Variants in SP110 observed in about 807,000 individuals in gnomAD.
SP110 encodes interferon-induced protein 41, 30kD.
In SP110, 62 loss-of-function variants were observed where a neutral mutation model predicts 92.7. The observed-to-expected ratio is 0.67, with a 90% CI of 0.55 to 0.83. The LOEUF is 0.83. Ranked by LOEUF, SP110 falls within the 40% of genes least tolerant of loss-of-function variation. SP110 has a pLI of 0.00. For missense variants in SP110, 793 were observed against 863.9 expected, an observed-to-expected ratio of 0.92 and a Z score of 1.03; for synonymous variants, 273 against 305.3, an observed-to-expected ratio of 0.89 and a Z score of 1.10.
In SP110 at chr2:230,202,640, G is replaced by A. The variant is rs367883428; in HGVS notation, c.987C>T (p.Ser329=). 1 of 1,613,778 alleles carries A rather than the reference G, an allele frequency of 6.2e-7. No homozygotes were observed. The highest frequency in any genetic ancestry group is 1.3e-5 in the African/African-American group (1 of 74,920). Residue 329 remains serine, a synonymous_variant, in exon 9 of 19, where the codon TCC becomes TCT. Coordinates refer to ENST00000258381, the MANE Select transcript of SP110 (RefSeq NM_080424.4). ...CCTTTTGGGCCCTTGTCTCTACCGT[G>A]GAGTTACAAGTTGAGTCATCTTTCT... ...PQKKDDSTCN[S]TVETRAQKAR...
At position 230,214,949 on chromosome 2, in the gene SP110, C is replaced by T; in HGVS notation, c.316+1G>A. On this transcript the variant is annotated splice_donor_variant, in intron 3 of 18. Coordinates refer to ENST00000258381, the MANE Select transcript of SP110 (RefSeq NM_080424.4). LOFTEE classifies it high-confidence loss of function. ...AAAAAGCACTTGAGAAATCTCATTA[C>T]CACGTTTGAAGCTTCTGTAAATCGT... 6.2e-7 allele frequency: 1 copy of T among 1,613,526 alleles called. No homozygotes were observed. Among genetic ancestry groups the T allele is most frequent in the Non-Finnish European group, 8.5e-7 (1 of 1,179,468 alleles).
chr2:230,187,372 T>C (rs1279886521), intron 10 of SP110, among the ~76,000 whole-genome samples: 1 of 152,234 alleles, frequency 6.6e-6, no homozygotes, highest in East Asian at 1.9e-4. Context: ...TTTGAGTTTC[T>C]TGTAGACGCT....
At chr2:230,222,711 G>A (rs1158830988), upstream of SP110, among the ~76,000 whole-genome samples, 1 of 149,736 alleles carries the variant, frequency 6.7e-6, no homozygotes, top group East Asian at 1.9e-4. Context: ...AAAAAAAAAA[G>A]ATACAGACCA....
At chr2:230,220,584 A>G (rs927695230), upstream of SP110, among the ~76,000 whole-genome samples, 2 of 152,210 alleles carry the variant, frequency 1.3e-5, no homozygotes, top group African/African-American at 4.8e-5. Context: ...GGGAGCCAGG[A>G]GTCTGAGGCA....
intron 10 of SP110, among the ~76,000 whole-genome samples, chr2:230,187,597 T>C (rs1342912378): frequency 6.6e-6 from 1 of 152,164 alleles, no homozygotes; most frequent in African/African-American, 2.4e-5. Flanking sequence ...TTTTCCTAGG[T>C]TTTCTTATAG....
intron 10 of SP110, 24 bp from the exon 11 acceptor site, chr2:230,186,167 A>G: frequency 6.2e-7 from 1 of 1,613,180 alleles, no homozygotes; most frequent in Non-Finnish European, 8.5e-7. Flanking sequence ...ACTTGTGAAT[A>G]GTTTAGTGAG....
Position 230,168,964 on chromosome 2 carries a change from A to G in SP110, c.*160T>C. On this transcript the variant is annotated 3_prime_UTR_variant, in exon 19 of 19. Coordinates refer to ENST00000258381, the MANE Select transcript of SP110 (RefSeq NM_080424.4). ...ATATAGACTTTTAAAGGTAAAAAGA[A>G]AGAATAAAGATGGAGGGTGTGATAA... is the stretch of plus-strand genomic sequence containing the variant. The G allele has an allele frequency of 1.5e-6, 1 of 672,802 alleles. No homozygotes were observed. Among genetic ancestry groups the G allele is most frequent in the Non-Finnish European group, 2.7e-6 (1 of 373,028 alleles). The allele number at this position is 672,802 out of a possible 1,614,324, so 41.7% of individuals were successfully genotyped here.
chr2:230,194,946 C>A (rs1390618315), intron 10 of SP110, among the ~76,000 whole-genome samples: 1 of 152,124 alleles, frequency 6.6e-6, no homozygotes, highest in African/African-American at 2.4e-5. Flanking sequence ...GCTGGCTGTG[C>A]TCCAGGCACA....
chr2:230,186,221 T>G lies in SP110; in HGVS notation c.1130-78A>C, dbSNP rs1010021875. On this transcript the variant is annotated intron_variant, in intron 10 of 18. Transcript: ENST00000258381. ...AGCCCCTACCCTTTCAGGAGTTATC[T>G]TGCCATTTCTCTATAATTCTCTCTT... The G allele has an allele frequency of 3.1e-5, 43 of 1,368,506 alleles. No individual in the cohort carries two copies. In the African/African-American group the frequency reaches 5.3e-4, roughly 17 times the overall value. 84.8% of individuals were successfully genotyped at this position (1,368,506 alleles called of 1,614,324 possible).
intron 7 of SP110, among the ~76,000 whole-genome samples, chr2:230,209,430 TTGA>T (rs1291459664): frequency 1.3e-5 from 2 of 152,050 alleles, no homozygotes; most frequent in Non-Finnish European, 2.9e-5. Flanking sequence ...TTGGATGATA[TTGA>T]TGATGAGTGA....
rs1011767398 is a variant in SP110, at chr2:230,170,758, G to A, written c.1891C>T (p.Arg631Ter). 8 of 1,613,822 alleles carry A rather than the reference G, an allele frequency of 5.0e-6. No individual in the cohort carries two copies. The highest frequency in any genetic ancestry group is 6.8e-6 in the Non-Finnish European group (8 of 1,180,010). The change falls in exon 18 of 19, where the codon CGA (arginine) becomes TGA (stop). Residue 631 changes from arginine (R) to a stop codon, truncating the protein, a stop_gained. Coordinates refer to ENST00000258381, the MANE Select transcript of SP110 (RefSeq NM_080424.4). LOFTEE classifies it high-confidence loss of function. ...SFFTGIPFNI[R>*]DYGEPFQEAM... Reference sequence around the variant, plus strand: ...TCCTGAAAGGGCTCACCGTAATCTCGAATCTTGGGGACAAAGCCACCAGAG... The same window carrying A: ...TCCTGAAAGGGCTCACCGTAATCTCAAATCTTGGGGACAAAGCCACCAGAG...
chr2:230,186,840 T>A (rs938060916), intron 10 of SP110, among the ~76,000 whole-genome samples: 1 of 152,204 alleles, frequency 6.6e-6, no homozygotes, highest in Non-Finnish European at 1.5e-5. Flanking sequence ...ATTTCATTCT[T>A]TTTTTATGGC....
At position 230,170,675 on chromosome 2, in the gene SP110, TGC is replaced by T. The variant is rs1560520223; in HGVS notation, c.1972_1973del (p.Ala658MetfsTer14). 1.9e-6 allele frequency: 3 copies of T among 1,614,198 alleles called. No individual in the cohort carries two copies. Among genetic ancestry groups the T allele is most frequent in the Non-Finnish European group, 2.5e-6 (3 of 1,180,032 alleles). On this transcript the variant is annotated frameshift_variant, in exon 18 of 19. Transcript: ENST00000258381. LOFTEE classifies it high-confidence loss of function. ...ERLITEMYTV[A>X]WFVRDMRLMF... ...TCAGGCGCATGTCTCGCACAAACCA[TGC>T]CACCGTGTACATTTCCGTAATCAGC... is the stretch of plus-strand genomic sequence containing the variant.
At position 230,202,694 on chromosome 2, in the gene SP110, C is replaced by G. The variant is rs2148861711; in HGVS notation, c.933G>C (p.Lys311Asn). ...GAGGAACCTGATCCACCCTTTTGAG[C>G]TTCTTTTGGATTCCGTGTCTAGATG... ...TASSRHGIQK[K>N]LKRVDQVPQK... is the part of the protein sequence containing the mutation. Residue 311 changes from lysine (K) to asparagine (N), a missense_variant, in exon 9 of 19, where the codon AAG (lysine) becomes AAC (asparagine). By Grantham distance (94) the Lys-to-Asn change is moderately conservative (BLOSUM62 0). Coordinates refer to ENST00000258381, the MANE Select transcript of SP110 (RefSeq NM_080424.4). 1 of 1,614,138 alleles carries G rather than the reference C, an allele frequency of 6.2e-7. No homozygotes were observed. Among genetic ancestry groups the G allele is most frequent in the Non-Finnish European group, 8.5e-7 (1 of 1,180,002 alleles).
At chr2:230,190,129 A>G (rs748109011) in intron 10 of SP110, among the ~76,000 whole-genome samples, 13 of 152,172 alleles carry the variant, frequency 8.5e-5, no homozygotes, top group Non-Finnish European at 1.3e-4. Context: ...GAATCACCAC[A>G]CTGTCTTCCA....
chr2:230,201,588 T>G (rs1424498049), intron 9 of SP110, among the ~76,000 whole-genome samples: 1 of 152,230 alleles, frequency 6.6e-6, no homozygotes, highest in African/African-American at 2.4e-5. Context: ...ATCTGACATC[T>G]TAATATTCTA....
intron 8 of SP110, among the ~76,000 whole-genome samples, chr2:230,205,598 TA>T (rs35825596): frequency 0.13 from 19,116 of 150,726 alleles, 1,347 homozygotes; most frequent in South Asian, 0.27. Flanking sequence ...TTTCTCTCTT[TA>T]AAAAAAAAAT....
intron 9 of SP110, 67 bp downstream of exon 9, chr2:230,202,512 T>C: frequency 6.7e-7 from 1 of 1,491,888 alleles, no homozygotes; most frequent in East Asian, 2.3e-5. Flanking sequence ...CTTAACTCTG[T>C]ACCTGCTTCA....
intron 6 of SP110, among the ~76,000 whole-genome samples, chr2:230,210,932 G>A (rs572180947): frequency 2.0e-4 from 30 of 152,314 alleles, no homozygotes; most frequent in African/African-American, 7.0e-4. Context: ...ACAGTCAGGT[G>A]GGGGCTTGGA....
Sources: allele counts gnomAD v4.1 joint callset (sites outside exome capture counted in the v4.1 genomes callset), GRCh38; gene constraint gnomAD v4.1.1; transcripts MANE v1.5; gene names NCBI Gene and HGNC (gene_info 2026-07-23, HGNC 2026-07-21).